The following PID1 variants were observed in gnomAD, a reference collection of about 807,000 sequenced individuals.
PID1 encodes the protein PTB-containing, cubilin and LRP1-interacting protein.
In PID1, 10 loss-of-function variants were observed where a neutral mutation model predicts 19.1. The ratio of observed to expected loss-of-function variants is 0.52; its 90% confidence interval spans 0.32 to 0.89. The LOEUF (loss-of-function observed/expected upper bound fraction) is 0.89, where lower values mean the gene tolerates loss of function less well. Ranked by LOEUF, PID1 falls within the 40% of genes least tolerant of loss-of-function variation. The probability of loss-of-function intolerance (pLI) is 0.03; values close to 1 mark genes in which losing one functional copy is unlikely to be tolerated. For missense variants in PID1, 248 were observed against 285.3 expected (o/e 0.87, Z 0.94); for synonymous variants, 130 against 116.0 (o/e 1.12, Z -0.78).
At chr2:229,173,755 G>A (rs568008287) in intron 1 of PID1, among the ~76,000 whole-genome samples, 4 of 152,226 alleles carry the variant, frequency 2.6e-5, no homozygotes, top group South Asian at 2.1e-4. Context: ...TCCCCACTTC[G>A]GTGTGCCCTG....
intron 2 of PID1, among the ~76,000 whole-genome samples, chr2:229,079,764 G>T (rs1694634450): frequency 6.6e-6 from 1 of 152,204 alleles, no homozygotes; most frequent in Non-Finnish European, 1.5e-5. Flanking sequence ...TAAATCCAAA[G>T]TTAAAAGAGC....
intron 1 of PID1, among the ~76,000 whole-genome samples, chr2:229,260,126 C>CA (rs1471565581): frequency 6.6e-6 from 1 of 152,134 alleles, no homozygotes; most frequent in Non-Finnish European, 1.5e-5. Flanking sequence ...GCATAACTCT[C>CA]AATAAAAGCC....
intron 2 of PID1, among the ~76,000 whole-genome samples, chr2:229,065,444 G>A (rs1349738998): frequency 6.6e-6 from 1 of 152,050 alleles, no homozygotes; most frequent in Non-Finnish European, 1.5e-5. Context: ...TTGTCTGCTG[G>A]AAGTATTTGC....
chr2:229,036,931 T>C (rs116286975), intron 2 of PID1, among the ~76,000 whole-genome samples: 1,662 of 152,326 alleles, frequency 0.011, 44 homozygotes, highest in African/African-American at 0.037. Flanking sequence ...CTTAGCTGCC[T>C]AAACAAGGCC....
At chr2:229,269,487 G>T (rs1355295969) in intron 1 of PID1, among the ~76,000 whole-genome samples, 2 of 152,176 alleles carry the variant, frequency 1.3e-5, no homozygotes, top group Non-Finnish European at 2.9e-5. Context: ...AGATCATCAG[G>T]CCATAAAAGC....
At chr2:229,185,322 C>A (rs903495212) in intron 1 of PID1, among the ~76,000 whole-genome samples, 2 of 151,942 alleles carry the variant, frequency 1.3e-5, no homozygotes, top group Non-Finnish European at 2.9e-5. Context: ...TCTCTAGATG[C>A]CCTCGCTATA....
chr2:229,076,039 G>C (rs1694551285), intron 2 of PID1, among the ~76,000 whole-genome samples: 1 of 152,140 alleles, frequency 6.6e-6, no homozygotes, highest in African/African-American at 2.4e-5. Flanking sequence ...TGATCAAAAG[G>C]TGTTCCATAG....
intron 2 of PID1, among the ~76,000 whole-genome samples, chr2:229,095,711 C>T (rs954615600): frequency 1.3e-5 from 2 of 152,076 alleles, no homozygotes; most frequent in Admixed American, 1.3e-4. Flanking sequence ...ATGCTGTACC[C>T]AACATTTGTC....
intron 2 of PID1, among the ~76,000 whole-genome samples, chr2:229,071,095 T>C (rs952657931): frequency 6.6e-6 from 1 of 152,204 alleles, no homozygotes; most frequent in Admixed American, 6.5e-5. Flanking sequence ...TGTTACTTGA[T>C]ACCGACAAAG....
chr2:229,050,023 C>T (rs1479535456), intron 2 of PID1, among the ~76,000 whole-genome samples: 3 of 152,050 alleles, frequency 2.0e-5, no homozygotes, highest in Non-Finnish European at 2.9e-5. Context: ...TTTCTATAAA[C>T]GTTAATTATA....
chr2:229,067,476 T>C (rs1559218076), intron 2 of PID1, among the ~76,000 whole-genome samples: 3 of 152,064 alleles, frequency 2.0e-5, no homozygotes, highest in Non-Finnish European at 4.4e-5. Flanking sequence ...TTTTGTGAAA[T>C]TGAGGCCACT....
chr2:229,070,172 G>A (rs925002007), intron 2 of PID1, among the ~76,000 whole-genome samples: 3 of 152,164 alleles, frequency 2.0e-5, no homozygotes, highest in Non-Finnish European at 4.4e-5. Flanking sequence ...GCTGAAAACA[G>A]GAAATGCAAA....
In PID1 at chr2:229,158,939, G is replaced by T. The variant is rs572542852; in HGVS notation, c.31-2975C>A. On this transcript the variant is annotated intron_variant, in intron 1 of 2. Transcript: ENST00000392055. ...GGTTACCAGAGGCTGTGAAGGGTAGGGGGGAGCTGTGGGGGAAGGCAGGGA... is the reference window on the plus strand; with the variant it reads ...GGTTACCAGAGGCTGTGAAGGGTAGTGGGGAGCTGTGGGGGAAGGCAGGGA... 3.3e-5 allele frequency among the ~76,000 whole-genome samples: 5 copies of T among 151,994 alleles called. 1 individual carries two copies. Among genetic ancestry groups the T allele is most frequent in the African/African-American group, 9.7e-5 (4 of 41,352 alleles).
At chr2:229,189,249 C>G (rs1574706742) in intron 1 of PID1, among the ~76,000 whole-genome samples, 1 of 152,278 alleles carries the variant, frequency 6.6e-6, no homozygotes, top group South Asian at 2.1e-4. Context: ...TGCACCCAAC[C>G]CTAAGTCACG....
At chr2:229,115,421 G>A (rs1316644448) in intron 2 of PID1, among the ~76,000 whole-genome samples, 2 of 139,838 alleles carry the variant, frequency 1.4e-5, no homozygotes, top group African/African-American at 2.6e-5. Flanking sequence ...AAAAAAAGAA[G>A]AGAAGAGAAA....
intron 2 of PID1, among the ~76,000 whole-genome samples, chr2:229,131,949 C>G (rs1689750624): frequency 6.6e-6 from 1 of 152,012 alleles, no homozygotes; most frequent in Non-Finnish European, 1.5e-5. Context: ...TGGGAGCAAA[C>G]CCTCTCTAGA....
At chr2:229,207,194 G>C (rs1050028256) in intron 1 of PID1, among the ~76,000 whole-genome samples, 8 of 152,026 alleles carry the variant, frequency 5.3e-5, no homozygotes, top group Non-Finnish European at 1.2e-4. Flanking sequence ...GAGTAAGAAC[G>C]AGAATGCAAA....
At chr2:229,129,299 A>T (rs1162778148) in intron 2 of PID1, among the ~76,000 whole-genome samples, 1 of 151,984 alleles carries the variant, frequency 6.6e-6, no homozygotes, top group Non-Finnish European at 1.5e-5. Flanking sequence ...CTGTAGTCCC[A>T]GCTACTCGGG....
intron 2 of PID1, among the ~76,000 whole-genome samples, chr2:229,027,660 T>C (rs767846357): frequency 1.4e-4 from 21 of 152,010 alleles, no homozygotes; most frequent in Non-Finnish European, 2.4e-4. Context: ...TCAGACTACA[T>C]AGGAGCCCAG....
Sources: allele counts gnomAD v4.1 joint callset (sites outside exome capture counted in the v4.1 genomes callset), GRCh38; gene constraint gnomAD v4.1.1; transcripts MANE v1.5; gene names NCBI Gene and HGNC (gene_info 2026-07-23, HGNC 2026-07-21).